CSMD2: variants seen among roughly 807,000 people sequenced by gnomAD.
CSMD2 encodes the protein CUB and Sushi multiple domains 2.
CSMD2 carries 130 observed loss-of-function variants against 398.5 expected under a neutral mutation model. The observed-to-expected ratio is 0.33, with a 90% CI of 0.28 to 0.38. The LOEUF is 0.38. Among genes scored for constraint, CSMD2 ranks in the 10% least tolerant of loss-of-function variants. The pLI, the probability that CSMD2 is intolerant of heterozygous loss-of-function variation, is 1.00. For synonymous variants in CSMD2, 1,828 were observed against 1,908.5 expected (o/e 0.96, Z 1.10); for missense variants, 3,829 against 4,764.9 (o/e 0.80, Z 5.78).
chr1:33,549,343 C>T (rs1252464510), intron 56 of CSMD2, among the ~76,000 whole-genome samples: 1 of 152,204 alleles, frequency 6.6e-6, no homozygotes, highest in Non-Finnish European at 1.5e-5. Flanking sequence ...GCACAAGCAG[C>T]TCCCTCTTGC....
upstream of CSMD2, among the ~76,000 whole-genome samples, chr1:34,165,505 T>C (rs899663186): frequency 6.6e-6 from 1 of 152,152 alleles, no homozygotes; most frequent in African/African-American, 2.4e-5. Context: ...CGTGTCTGTT[T>C]TGCAATTGAC....
intron 2 of CSMD2, among the ~76,000 whole-genome samples, chr1:34,037,857 C>T (rs572237946): frequency 4.7e-4 from 72 of 152,272 alleles, no homozygotes; most frequent in Admixed American, 1.3e-3. Context: ...CCTAGTTTCT[C>T]GGTACTATAT....
chr1:34,080,008 T>G (rs1656876412), intron 2 of CSMD2, among the ~76,000 whole-genome samples: 1 of 151,464 alleles, frequency 6.6e-6, no homozygotes, highest in Admixed American at 6.6e-5. Flanking sequence ...TGCTAAGAAC[T>G]ATTCCTAAAA....
At chr1:33,967,820 C>T (rs561425791) in intron 3 of CSMD2, among the ~76,000 whole-genome samples, 43 of 152,194 alleles carry the variant, frequency 2.8e-4, no homozygotes, top group African/African-American at 9.4e-4. Context: ...AGAACCTCCA[C>T]GGGGCAGGAT....
intron 1 of CSMD2, among the ~76,000 whole-genome samples, chr1:34,128,316 C>T (rs370678596): frequency 1.1e-4 from 17 of 152,164 alleles, no homozygotes; most frequent in African/African-American, 4.8e-5. Flanking sequence ...AAAACCTCTC[C>T]GGCTCAACTC....
intron 1 of CSMD2, among the ~76,000 whole-genome samples, chr1:34,139,370 T>C (rs949742106): frequency 5.3e-5 from 8 of 152,156 alleles, no homozygotes; most frequent in African/African-American, 1.9e-4. Context: ...GAGTCCCCAC[T>C]AGCAAGAAGG....
rs149094471 is a variant in CSMD2 at position 33,810,831 on chromosome 1, G to A, written c.1358C>T (p.Ser453Leu). ...GAAATTGGGGGAGGTGATGATGCCC[G>A]AGGGGCCTCGAAGGTGGGCATCACA... ...RMCDAHLRGP[S>L]GIITSPNFPI... The change falls in exon 10 of 71, where the codon TCG (serine) becomes TTG (leucine). Residue 453 changes from serine to leucine, a missense_variant. Physicochemically the swap from Ser to Leu is moderately radical, Grantham distance 145 (BLOSUM62 -2). Coordinates refer to ENST00000373381, the MANE Select transcript of CSMD2 (RefSeq NM_001281956.2). The A allele has an allele frequency of 2.0e-4, 328 of 1,612,696 alleles. 1 individual carries two copies. The highest frequency in any genetic ancestry group is 2.6e-4 in the Non-Finnish European group (309 of 1,179,462).
chr1:33,612,203 C>A (rs1026967297), intron 40 of CSMD2, among the ~76,000 whole-genome samples: 15 of 152,156 alleles, frequency 9.9e-5, no homozygotes, highest in African/African-American at 3.6e-4. Context: ...ATTATCGCTG[C>A]ACGATGAGAT....
At chr1:33,754,445 G>T (rs1648713882) in intron 13 of CSMD2, among the ~76,000 whole-genome samples, 1 of 152,186 alleles carries the variant, frequency 6.6e-6, no homozygotes, top group African/African-American at 2.4e-5. Context: ...GAGCTGAACA[G>T]ATCTTGGTGC....
intron 7 of CSMD2, among the ~76,000 whole-genome samples, chr1:33,823,175 C>T (rs966622109): frequency 6.6e-6 from 1 of 152,174 alleles, no homozygotes; most frequent in Non-Finnish European, 1.5e-5. Flanking sequence ...CTCCCCTTTC[C>T]TCAGCCAGCC....
At chr1:33,880,822 G>A (rs1440234638) in intron 5 of CSMD2, among the ~76,000 whole-genome samples, 3 of 152,124 alleles carry the variant, frequency 2.0e-5, no homozygotes, top group Non-Finnish European at 4.4e-5. Context: ...TCTTCAATTT[G>A]GTTCAAATTA....
intron 27 of CSMD2, 116 bp downstream of exon 27, chr1:33,657,830 T>G: frequency 9.8e-7 from 1 of 1,016,246 alleles, no homozygotes; most frequent in Non-Finnish European, 1.5e-6. Flanking sequence ...CTGCAACTTT[T>G]GTCTGTTTCA....
At chr1:33,809,674 AC>A (rs2124956978) in intron 10 of CSMD2, among the ~76,000 whole-genome samples, 1 of 152,152 alleles carries the variant, frequency 6.6e-6, no homozygotes, top group South Asian at 2.1e-4. Context: ...GGAGGTTCCA[AC>A]CAGAACTCTG....
At position 33,523,205 on chromosome 1, in the gene CSMD2, C is replaced by T. The variant is rs1345434920; in HGVS notation, c.10509+102G>A. On this transcript the variant is annotated intron_variant, in intron 67 of 70. Coordinates refer to ENST00000373381, the MANE Select transcript of CSMD2 (RefSeq NM_001281956.2). ...CAGGGCCCCACAGAAAACCTCCTCCCAAGTTGCCAGATTGATCCTAGGGGT... is the reference window on the plus strand; with the variant it reads ...CAGGGCCCCACAGAAAACCTCCTCCTAAGTTGCCAGATTGATCCTAGGGGT... The T allele has an allele frequency of 9.7e-6, 6 of 618,184 alleles. 1 individual carries two copies. In the Admixed American group the frequency reaches 1.6e-4, roughly 17 times the overall value. 38.3% of individuals were successfully genotyped at this position (618,184 alleles called of 1,614,324 possible).
intron 3 of CSMD2, among the ~76,000 whole-genome samples, chr1:34,010,162 C>T (rs1166379818): frequency 1.3e-5 from 2 of 152,158 alleles, no homozygotes; most frequent in Non-Finnish European, 2.9e-5. Flanking sequence ...ATGCAGCTTT[C>T]CACCACTCTA....
chr1:33,613,302 C>A (rs906152634), intron 40 of CSMD2, among the ~76,000 whole-genome samples: 17 of 152,158 alleles, frequency 1.1e-4, no homozygotes, highest in Admixed American at 2.6e-4. Flanking sequence ...CTTCTGTTTG[C>A]CTTTGGATGT....
intron 3 of CSMD2, among the ~76,000 whole-genome samples, chr1:33,941,330 T>G (rs561524657): frequency 6.6e-6 from 1 of 152,358 alleles, no homozygotes; most frequent in African/African-American, 2.4e-5. Context: ...GGTTCCCTTA[T>G]TATAATGAAG....
intron 28 of CSMD2, among the ~76,000 whole-genome samples, chr1:33,651,930 G>C (rs1006361945): frequency 2.6e-5 from 4 of 151,996 alleles, no homozygotes; most frequent in Non-Finnish European, 4.4e-5. Flanking sequence ...AGATTGGGGG[G>C]GGTGCCTGGG....
rs746147722 is a variant in CSMD2, at chr1:33,772,561, T to G, written c.1846+8A>C. The G allele has an allele frequency of 3.5e-5, 57 of 1,609,122 alleles. No individual in the cohort carries two copies. In the Admixed American group the frequency reaches 9.4e-4, roughly 26 times the overall value. ...GACCCTGGCGTGGCCTCCTCCCTGC[T>G]CACTTACACACGCAGCCTGGCTTCT... On this transcript the variant is annotated splice_region_variant and intron_variant, in intron 13 of 70. Coordinates refer to ENST00000373381, the MANE Select transcript of CSMD2 (RefSeq NM_001281956.2).
Sources: gnomAD v4.1 joint callset for allele counts (sites outside exome capture counted in the v4.1 genomes callset) on GRCh38, gnomAD v4.1.1 for gene constraint, MANE v1.5 for transcripts, NCBI Gene and HGNC (gene_info 2026-07-23, HGNC 2026-07-21) for gene names.